The following KIAA1217 variants were observed in gnomAD, a reference collection of about 807,000 sequenced individuals.
The protein encoded by KIAA1217 is KIAA1217, also known as sickle tail protein homolog.
In KIAA1217, 88 loss-of-function variants were observed where a neutral mutation model predicts 163.9. The ratio of observed to expected loss-of-function variants is 0.54; its 90% CI spans 0.45 to 0.64. The LOEUF (loss-of-function observed/expected upper bound fraction) is 0.64. Among genes scored for constraint, KIAA1217 ranks in the 30% least tolerant of loss-of-function variants. KIAA1217 has a pLI of 0.00. For synonymous variants in KIAA1217, 903 were observed against 923.1 expected (o/e 0.98, Z 0.39); for missense variants, 2,372 against 2,475.0 (o/e 0.96, Z 0.88).
chr10:24,401,491 A>G (rs1003149638), intron 3 of KIAA1217, among the ~76,000 whole-genome samples: 10 of 152,230 alleles, frequency 6.6e-5, no homozygotes, highest in African/African-American at 2.2e-4. Context: ...AAGGAGAATC[A>G]TATGATCATG....
chr10:23,722,207 G>T (rs966362193), intron 1 of KIAA1217, among the ~76,000 whole-genome samples: 7 of 152,138 alleles, frequency 4.6e-5, no homozygotes, highest in African/African-American at 1.7e-4. Flanking sequence ...TGGAGCTATT[G>T]TTTAATGAGA....
intron 2 of KIAA1217, among the ~76,000 whole-genome samples, chr10:24,232,319 G>A (rs943186508): frequency 5.3e-5 from 8 of 152,084 alleles, no homozygotes; most frequent in Admixed American, 2.6e-4. Flanking sequence ...ATAACACATC[G>A]CTTTTGATCC....
At chr10:23,865,520 C>T (rs1299496666) in intron 1 of KIAA1217, among the ~76,000 whole-genome samples, 1 of 152,050 alleles carries the variant, frequency 6.6e-6, no homozygotes, top group Non-Finnish European at 1.5e-5. Context: ...TCCTGTCTGT[C>T]ATTTGTCTTT....
At chr10:23,700,716 C>T (rs935710143) in intron 1 of KIAA1217, among the ~76,000 whole-genome samples, 1 of 152,192 alleles carries the variant, frequency 6.6e-6, no homozygotes, top group Non-Finnish European at 1.5e-5. Context: ...TTCTCCACTT[C>T]CTTCAAATGT....
At chr10:24,406,117 C>A (rs1416555942) in intron 3 of KIAA1217, among the ~76,000 whole-genome samples, 1 of 152,126 alleles carries the variant, frequency 6.6e-6, no homozygotes, top group Non-Finnish European at 1.5e-5. Context: ...CATTGTGAAG[C>A]CATGTGTCCC....
chr10:24,357,503 C>A (rs1049399721), intron 2 of KIAA1217, among the ~76,000 whole-genome samples: 3 of 152,170 alleles, frequency 2.0e-5, no homozygotes, highest in Admixed American at 2.0e-4. Flanking sequence ...ACCTGCTATG[C>A]CAGCACAAAG....
chr10:24,204,846 G>T (rs1408240867), upstream of KIAA1217, among the ~76,000 whole-genome samples: 1 of 152,196 alleles, frequency 6.6e-6, no homozygotes, highest in Non-Finnish European at 1.5e-5. Flanking sequence ...CTGACTTACA[G>T]GGCCTCATAC....
At chr10:24,382,323 G>C (rs899591292) in intron 3 of KIAA1217, among the ~76,000 whole-genome samples, 1 of 151,998 alleles carries the variant, frequency 6.6e-6, no homozygotes, top group African/African-American at 2.4e-5. Flanking sequence ...CTTGCTGGGA[G>C]AAGAAAGAAA....
At chr10:24,118,504 A>G (rs1314160814) in intron 2 of KIAA1217, among the ~76,000 whole-genome samples, 2 of 152,140 alleles carry the variant, frequency 1.3e-5, no homozygotes, top group African/African-American at 2.4e-5. Context: ...CCTTTACTAC[A>G]AGGGACTTCA....
intron 1 of KIAA1217, among the ~76,000 whole-genome samples, chr10:23,784,992 C>A (rs1354323848): frequency 1.3e-5 from 2 of 152,188 alleles, no homozygotes; most frequent in Non-Finnish European, 2.9e-5. Context: ...TCCTTTCAAG[C>A]TACTCTTCCA....
At chr10:24,233,081 T>C (rs1011615445) in intron 2 of KIAA1217, among the ~76,000 whole-genome samples, 6 of 151,950 alleles carry the variant, frequency 3.9e-5, no homozygotes, top group African/African-American at 1.2e-4. Context: ...GTCATGATCA[T>C]TCCACCATAC....
intron 1 of KIAA1217, among the ~76,000 whole-genome samples, chr10:23,849,968 T>A (rs920656245): frequency 2.6e-5 from 4 of 152,134 alleles, no homozygotes; most frequent in Admixed American, 1.3e-4. Context: ...GAATAGCCTA[T>A]AAATCCATCC....
At chr10:24,107,805 A>C (rs1345444468) in intron 2 of KIAA1217, among the ~76,000 whole-genome samples, 1 of 152,228 alleles carries the variant, frequency 6.6e-6, no homozygotes, top group Admixed American at 6.5e-5. Flanking sequence ...GTACTCACAC[A>C]AGGGATGAAA....
At position 24,500,031 on chromosome 10, in the gene KIAA1217, G is replaced by A. The variant is rs189741788; in HGVS notation, c.1835-1348G>A. Among the ~76,000 whole-genome samples, 391 of 152,274 alleles carry A rather than the reference G, an allele frequency of 2.6e-3. 2 individuals are homozygous for A. Among genetic ancestry groups the A allele is most frequent in the Non-Finnish European group, 3.5e-3 (237 of 68,022 alleles). On this transcript the variant is annotated intron_variant, in intron 8 of 20. Transcript: ENST00000376454. ...CTGGCTGAGTTGTGTGTGCTGGAGC[G>A]GGAAAGGTTCCCGAAATGACTGAGC...
At chr10:23,994,127 G>A (rs1436236558) in intron 1 of KIAA1217, among the ~76,000 whole-genome samples, 1 of 152,092 alleles carries the variant, frequency 6.6e-6, no homozygotes, top group East Asian at 1.9e-4. Flanking sequence ...GTCGTCTTTG[G>A]TCTAACCTGG....
At chr10:23,881,248 GC>G (rs1209888015) in intron 1 of KIAA1217, among the ~76,000 whole-genome samples, 2 of 151,864 alleles carry the variant, frequency 1.3e-5, no homozygotes, top group Non-Finnish European at 2.9e-5. Context: ...TAGTTGTTAT[GC>G]AAAAAGAGCC....
chr10:23,756,911 A>G (rs878921599), intron 1 of KIAA1217, among the ~76,000 whole-genome samples: 5 of 152,350 alleles, frequency 3.3e-5, no homozygotes, highest in Admixed American at 3.3e-4. Flanking sequence ...TACCCATTAA[A>G]CAATACTGTC....
intron 2 of KIAA1217, among the ~76,000 whole-genome samples, chr10:24,089,576 T>C (rs985389096): frequency 6.6e-6 from 1 of 151,640 alleles, no homozygotes; most frequent in African/African-American, 2.4e-5. Context: ...TGCTTGTTTT[T>C]GTCAGGTTTG....
chr10:24,125,683 G>A (rs2063449306), intron 2 of KIAA1217, among the ~76,000 whole-genome samples: 1 of 151,516 alleles, frequency 6.6e-6, no homozygotes, highest in South Asian at 2.1e-4. Flanking sequence ...AGTCATTTCT[G>A]GTTTCCCTTT....
Sources: allele counts gnomAD v4.1 joint callset (sites outside exome capture counted in the v4.1 genomes callset), GRCh38; gene constraint gnomAD v4.1.1; transcripts MANE v1.5; gene names NCBI Gene and HGNC (gene_info 2026-07-23, HGNC 2026-07-21).